Variants in CNTNAP2 observed in about 807,000 individuals in gnomAD.
CNTNAP2 encodes the protein contactin associated protein 2.
A neutral mutation model predicts 155.2 loss-of-function variants in CNTNAP2; 98 were observed. The ratio of observed to expected loss-of-function variants is 0.63; its 90% CI spans 0.54 to 0.75. The LOEUF is 0.75. Ranked by LOEUF, CNTNAP2 falls within the 30% of genes least tolerant of loss-of-function variation. The pLI, the probability that CNTNAP2 is intolerant of heterozygous loss-of-function variation, is 0.00. For synonymous variants in CNTNAP2, 651 were observed against 631.2 expected, an observed-to-expected ratio of 1.03 and a Z score of -0.47; for missense variants, 1,727 against 1,688.1, an observed-to-expected ratio of 1.02 and a Z score of -0.40.
intron 1 of CNTNAP2, among the ~76,000 whole-genome samples, chr7:146,316,939 GATTC>G (rs56776866): frequency 0.085 from 12,848 of 151,600 alleles, 1,526 homozygotes; most frequent in African/African-American, 0.27. Flanking sequence ...GTTCAATGGG[GATTC>G]ATTCATTCAT....
chr7:147,183,378 C>G (rs1802505548), intron 8 of CNTNAP2, among the ~76,000 whole-genome samples: 1 of 152,046 alleles, frequency 6.6e-6, no homozygotes, highest in Non-Finnish European at 1.5e-5. Flanking sequence ...TCTACTAAAG[C>G]CTAATTAAGA....
intron 9 of CNTNAP2, among the ~76,000 whole-genome samples, chr7:147,302,057 A>G (rs1006919149): frequency 1.6e-4 from 25 of 152,242 alleles, no homozygotes; most frequent in African/African-American, 5.1e-4. Context: ...TGAGTAGACG[A>G]AAGTCAAACA....
chr7:146,250,568 C>T (rs1336211692), intron 1 of CNTNAP2, among the ~76,000 whole-genome samples: 1 of 152,162 alleles, frequency 6.6e-6, no homozygotes, highest in Non-Finnish European at 1.5e-5. Flanking sequence ...ACCCTTCAAC[C>T]TGTCCCATGA....
chr7:146,833,331 A>T (rs1422915513), intron 2 of CNTNAP2, among the ~76,000 whole-genome samples: 1 of 151,928 alleles, frequency 6.6e-6, no homozygotes, highest in East Asian at 1.9e-4. Context: ...TTTCATTTGC[A>T]TGTTCTTCTT....
chr7:146,153,219 C>G (rs1357748056), intron 1 of CNTNAP2, among the ~76,000 whole-genome samples: 1 of 152,060 alleles, frequency 6.6e-6, no homozygotes, highest in Non-Finnish European at 1.5e-5. Context: ...AATCTATCAT[C>G]TTGAAATTTG....
At chr7:147,256,059 A>T (rs904540631) in intron 8 of CNTNAP2, among the ~76,000 whole-genome samples, 9 of 152,168 alleles carry the variant, frequency 5.9e-5, no homozygotes, top group African/African-American at 2.2e-4. Flanking sequence ...AGTAAGGAAA[A>T]TGATGGGTGG....
At chr7:146,153,527 A>T (rs920538739) in intron 1 of CNTNAP2, among the ~76,000 whole-genome samples, 1 of 152,202 alleles carries the variant, frequency 6.6e-6, no homozygotes. Flanking sequence ...AAGGCTTACA[A>T]AACCACTAGT....
chr7:147,566,485 A>G (rs2116798598), intron 12 of CNTNAP2, among the ~76,000 whole-genome samples: 1 of 152,198 alleles, frequency 6.6e-6, no homozygotes, highest in African/African-American at 2.4e-5. Flanking sequence ...GTAATTTATA[A>G]AGGAAAGAGG....
intron 1 of CNTNAP2, among the ~76,000 whole-genome samples, chr7:146,519,787 A>T (rs1797591782): frequency 6.6e-6 from 1 of 151,922 alleles, no homozygotes; most frequent in African/African-American, 2.4e-5. Flanking sequence ...GCTTTTGAAT[A>T]GTGCATATAT....
rs751033671 is a variant in CNTNAP2, at chr7:147,870,467, G to A, written c.2099-33098G>A. On this transcript the variant is annotated intron_variant, in intron 13 of 23. Coordinates refer to ENST00000361727, the MANE Select transcript of CNTNAP2 (RefSeq NM_014141.6). ...AAAGGGTGGCCCAGAAATTGATGTGGTGGTGGATCCCAAGCAGCTGACCAT... is the reference window on the plus strand; with the variant it reads ...AAAGGGTGGCCCAGAAATTGATGTGATGGTGGATCCCAAGCAGCTGACCAT... 6.8e-4 allele frequency among the ~76,000 whole-genome samples: 104 copies of A among 152,120 alleles called. 5 individuals are homozygous for A. The highest frequency in any genetic ancestry group is 1.9e-4 in the Non-Finnish European group (13 of 68,032).
At chr7:147,426,996 T>C (rs368808404) in intron 10 of CNTNAP2, among the ~76,000 whole-genome samples, 21 of 152,106 alleles carry the variant, frequency 1.4e-4, no homozygotes, top group African/African-American at 4.8e-4. Flanking sequence ...TTATAAACAA[T>C]AGAAATATAT....
chr7:147,544,613 G>A (rs191902628), intron 11 of CNTNAP2, among the ~76,000 whole-genome samples: 1 of 151,732 alleles, frequency 6.6e-6, no homozygotes, highest in Non-Finnish European at 1.5e-5. Flanking sequence ...TGCCTGTGTT[G>A]TCTTCTTTCT....
At chr7:148,030,695 G>A (rs1200975522) in intron 15 of CNTNAP2, among the ~76,000 whole-genome samples, 2 of 143,478 alleles carry the variant, frequency 1.4e-5, no homozygotes, top group East Asian at 2.0e-4. Flanking sequence ...TTGGCAGGTG[G>A]TAAAGTTTAT....
At position 147,530,335 on chromosome 7, in the gene CNTNAP2, G is replaced by A. The variant is rs139051221; in HGVS notation, c.1778-31803G>A. Among the ~76,000 whole-genome samples, 444 of 151,998 alleles carry A rather than the reference G, an allele frequency of 2.9e-3. 1 individual carries two copies. Among genetic ancestry groups the A allele is most frequent in the African/African-American group, 0.01 (415 of 41,466 alleles). The stretch of plus-strand genomic sequence containing the variant: ...GCTGGGACTATAGGCGTGTGCCTCC[G>A]TGCCTGGCTAATTTTTGTATTTTTA... On this transcript the variant is annotated intron_variant, in intron 11 of 23. Coordinates refer to ENST00000361727, the MANE Select transcript of CNTNAP2 (RefSeq NM_014141.6).
At chr7:147,687,176 T>G (rs560185760) in intron 13 of CNTNAP2, among the ~76,000 whole-genome samples, 66 of 152,244 alleles carry the variant, frequency 4.3e-4, no homozygotes, top group African/African-American at 1.5e-3. Context: ...TTGGCTAAAA[T>G]AGCAGTACTT....
At chr7:147,189,889 T>A (rs765603139) in intron 8 of CNTNAP2, among the ~76,000 whole-genome samples, 2 of 151,882 alleles carry the variant, frequency 1.3e-5, no homozygotes, top group Middle Eastern at 3.2e-3. Context: ...GGACTACAGG[T>A]GCCCGCCACC....
intron 1 of CNTNAP2, among the ~76,000 whole-genome samples, chr7:146,658,605 T>C (rs937056993): frequency 6.6e-6 from 1 of 152,142 alleles, no homozygotes; most frequent in African/African-American, 2.4e-5. Context: ...ATGAGGGACA[T>C]TGAATATACT....
In CNTNAP2 at chr7:148,365,753, T is replaced by C. The variant is rs572412174; in HGVS notation, c.3476-17896T>C. ...ATATGTATGTGTATACATGTATACA[T>C]GTATGTGTATACGTGTATACATGTA... On this transcript the variant is annotated intron_variant, in intron 21 of 23. Transcript: ENST00000361727. Among the ~76,000 whole-genome samples the C allele has an allele frequency of 2.7e-3, 281 of 104,214 alleles. 41 individuals are homozygous for C. The highest frequency in any genetic ancestry group is 0.01 in the African/African-American group (271 of 26,556). The allele number at this position is 104,214 out of a possible 152,430, so 68.4% of individuals were successfully genotyped here.
At chr7:146,784,716 G>A (rs1048066455) in intron 2 of CNTNAP2, among the ~76,000 whole-genome samples, 4 of 152,030 alleles carry the variant, frequency 2.6e-5, no homozygotes, top group African/African-American at 9.7e-5. Flanking sequence ...GTCACTGAAC[G>A]CCCGTTGTGT....
Sources: gnomAD v4.1 joint callset for allele counts (sites outside exome capture counted in the v4.1 genomes callset) on GRCh38, gnomAD v4.1.1 for gene constraint, MANE v1.5 for transcripts, NCBI Gene and HGNC (gene_info 2026-07-23, HGNC 2026-07-21) for gene names.